GRTP1: variants seen among roughly 807,000 people sequenced by gnomAD.
GRTP1 encodes the protein growth hormone-regulated TBC protein 1.
A neutral mutation model predicts 38.1 loss-of-function variants in GRTP1; 56 were observed. The ratio of observed to expected loss-of-function variants is 1.47; its 90% confidence interval spans 1.19 to 1.84. The LOEUF (loss-of-function observed/expected upper bound fraction) is 1.84, where lower values mean the gene tolerates loss of function less well. Ranked by LOEUF, GRTP1 falls within the 40% of genes most tolerant of loss-of-function variation. The pLI, the probability that GRTP1 is intolerant of heterozygous loss-of-function variation, is 0.00. For synonymous variants in GRTP1, 217 were observed against 189.5 expected (o/e 1.14, Z -1.19); for missense variants, 506 against 453.9 (o/e 1.11, Z -1.04).
intron 3 of GRTP1, among the ~76,000 whole-genome samples, chr13:113,352,301 T>TA (rs1555318982): frequency 1.4e-4 from 9 of 63,474 alleles, no homozygotes; most frequent in African/African-American, 4.7e-4. Flanking sequence ...TTTATATATA[T>TA]TTTATATATA....
At chr13:113,360,601 G>A (rs2043477198) in intron 2 of GRTP1, among the ~76,000 whole-genome samples, 1 of 152,176 alleles carries the variant, frequency 6.6e-6, no homozygotes, top group Non-Finnish European at 1.5e-5. Flanking sequence ...CGGTCACACT[G>A]GGACCCAGGC....
rs748693977 is a variant in GRTP1, at chr13:113,325,537, A to G, written c.921+124T>C. The G allele has an allele frequency of 1.5e-5, 23 of 1,558,376 alleles. No individual in the cohort carries two copies. In the South Asian group the frequency reaches 2.5e-4, roughly 17 times the overall value. Reference sequence around the variant, plus strand: ...AGATGCAGGACAGAGCTGGAGGCTCATCCTGTGCCCTATGCCCACTGGTGC... The same window carrying G: ...AGATGCAGGACAGAGCTGGAGGCTCGTCCTGTGCCCTATGCCCACTGGTGC... On this transcript the variant is annotated intron_variant, in intron 7 of 7. Transcript: ENST00000375431.
chr13:113,340,148 G>A (rs902594570), intron 5 of GRTP1, among the ~76,000 whole-genome samples: 4 of 150,494 alleles, frequency 2.7e-5, no homozygotes, highest in South Asian at 2.1e-4. Flanking sequence ...AGCTGGGACC[G>A]CAGGCATGCA....
chr13:113,331,058 G>A (rs550213072), intron 5 of GRTP1, among the ~76,000 whole-genome samples: 7 of 150,530 alleles, frequency 4.7e-5, no homozygotes, highest in East Asian at 2.0e-4. Context: ...GCCCAGGTGC[G>A]TGGATGGAAA....
Position 113,326,311 on chromosome 13 carries a change from G to A in GRTP1, c.563-220C>T, listed in dbSNP as rs1352579098. On this transcript the variant is annotated intron_variant, in intron 5 of 7. Transcript: ENST00000375431. ...GGCCTTTCAGGACGTCCCTGAGGCT[G>A]GAGGGATAGGCTGGATGCCGCCTGG... Among the ~76,000 whole-genome samples the A allele has an allele frequency of 2.0e-5, 3 of 151,402 alleles. 1 individual carries two copies. The South Asian group carries it at 6.3e-4, about 32-fold the overall frequency.
chr13:113,349,243 T>C lies in GRTP1; in HGVS notation c.465+1606A>G, dbSNP rs2139488073. ...TTGCTCTGTTGCCCAGGCTGGAGTG[T>C]AGTGGTGCCAACATGGCTCACTGCA... On this transcript the variant is annotated intron_variant, in intron 4 of 7. Coordinates refer to ENST00000375431, the MANE Select transcript of GRTP1 (RefSeq NM_024719.4). The surrounding 1 kb of genome is among the most constrained non-coding windows in gnomAD (Gnocchi z 5.0). Among the ~76,000 whole-genome samples, 1 of 152,076 alleles carries C rather than the reference T, an allele frequency of 6.6e-6. No homozygotes were observed. The highest frequency in any genetic ancestry group is 1.5e-5 in the Non-Finnish European group (1 of 67,970).
intron 2 of GRTP1, 186 bp from the exon 3 acceptor site, chr13:113,355,667 C>T: frequency 3.3e-6 from 2 of 606,228 alleles, no homozygotes; most frequent in Non-Finnish European, 5.3e-6. Flanking sequence ...TCTCCTCTCC[C>T]TCTCAACAGA....
chr13:113,346,107 A>ACCCGGGAGGACCTCTGTGCCTG, intron 4 of GRTP1, among the ~76,000 whole-genome samples: 1 of 117,380 alleles, frequency 8.5e-6, no homozygotes, highest in Non-Finnish European at 1.7e-5. Context: ...TGTGGCCGAG[A>ACCCGGGAGGACCTCTGTGCCTG]ACAGACCCGG....
chr13:113,346,607 C>G (rs368490268), intron 4 of GRTP1, among the ~76,000 whole-genome samples: 56 of 2,014 alleles, frequency 0.028, 7 homozygotes, highest in African/African-American at 0.032. Flanking sequence ...GACCTCTGTG[C>G]CTGACAGTGG....
chr13:113,363,752 C>G lies in GRTP1; in HGVS notation c.181+10G>C. On this transcript the variant is annotated intron_variant, in intron 2 of 7. Transcript: ENST00000375431. ...CGCCCTCGGGACCCACCTGCGCCCCCGGGACCCACCTGTCCGGCTCCTGGG... is the reference window on the plus strand; with the variant it reads ...CGCCCTCGGGACCCACCTGCGCCCCGGGGACCCACCTGTCCGGCTCCTGGG... 1 of 1,604,902 alleles carries G rather than the reference C, an allele frequency of 6.2e-7. No individual in the cohort carries two copies. Among genetic ancestry groups the G allele is most frequent in the Non-Finnish European group, 8.5e-7 (1 of 1,176,612 alleles).
Position 113,352,337 on chromosome 13 carries a change from T to TTATATATTTATATATATTATATA in GRTP1, c.341-1365_341-1364insTATATAATATATATAAATATATA, listed in dbSNP as rs2043295606. Among the ~76,000 whole-genome samples, 55 of 51,558 alleles carry TTATATATTTATATATATTATATA rather than the reference T, an allele frequency of 1.1e-3. 1 individual carries two copies. Among genetic ancestry groups the TTATATATTTATATATATTATATA allele is most frequent in the African/African-American group, 4.0e-3 (55 of 13,760 alleles). 33.8% of individuals were successfully genotyped at this position (51,558 alleles called of 152,430 possible). ...TTTTATATATATTTTTATATATATT[T>TTATATATTTATATATATTATATA]TATATATATATTTATATATATTTTA... On this transcript the variant is annotated intron_variant, in intron 3 of 7. Transcript: ENST00000375431.
At chr13:113,354,654 G>A (rs1377104282) in intron 3 of GRTP1, among the ~76,000 whole-genome samples, 1 of 151,568 alleles carries the variant, frequency 6.6e-6, no homozygotes, top group Non-Finnish European at 1.5e-5. Context: ...TCAGCCTCCC[G>A]AGTAGCTGGG....
chr13:113,345,405 C>G (rs1331031333), intron 4 of GRTP1, among the ~76,000 whole-genome samples: 1 of 152,224 alleles, frequency 6.6e-6, no homozygotes, highest in East Asian at 1.9e-4. Flanking sequence ...GGTGGAGACC[C>G]TTTTGGGAAA....
rs117942508 is a variant in GRTP1, at chr13:113,341,153, A to C, written c.562+3710T>G. Among the ~76,000 whole-genome samples the C allele has an allele frequency of 6.2e-3, 940 of 151,768 alleles. 7 individuals are homozygous for C. The highest frequency in any genetic ancestry group is 0.017 in the South Asian group (80 of 4,792). ...CCTGTTCTAAACTCACGAATGCACCAATCACGACTGCACCATACGCTTGAA... is the reference window on the plus strand; with the variant it reads ...CCTGTTCTAAACTCACGAATGCACCCATCACGACTGCACCATACGCTTGAA... On this transcript the variant is annotated intron_variant, in intron 5 of 7. Coordinates refer to ENST00000375431, the MANE Select transcript of GRTP1 (RefSeq NM_024719.4).
In GRTP1 at chr13:113,342,895, G is replaced by C. The variant is rs546052897; in HGVS notation, c.562+1968C>G. On this transcript the variant is annotated intron_variant, in intron 5 of 7. Transcript: ENST00000375431. This position sits in a 1 kb window ranked among gnomAD's most constrained non-coding sequence, Gnocchi z 4.5. ...CATAATGAATATCGGAAGTGACGTC[G>C]TACGGACTGAAAACGCATCTGTCCA... is the stretch of plus-strand genomic sequence containing the variant. 6.6e-6 allele frequency among the ~76,000 whole-genome samples: 1 copy of C among 151,982 alleles called. No homozygotes were observed. The highest frequency in any genetic ancestry group is 2.4e-5 in the African/African-American group (1 of 41,376).
chr13:113,332,293 C>CCACACACAGGTA (rs146797859), intron 5 of GRTP1, among the ~76,000 whole-genome samples: 1 of 76,142 alleles, frequency 1.3e-5, no homozygotes, highest in South Asian at 4.5e-4. Context: ...CACACACACA[C>CCACACACAGGTA]CACACGTGCA....
chr13:113,330,200 T>C lies in GRTP1; in HGVS notation c.563-4109A>G, dbSNP rs189722856. Among the ~76,000 whole-genome samples, 82 of 128,266 alleles carry C rather than the reference T, an allele frequency of 6.4e-4. 1 individual carries two copies. The highest frequency in any genetic ancestry group is 2.3e-3 in the African/African-American group (74 of 32,142). 84.1% of individuals were successfully genotyped at this position (128,266 alleles called of 152,430 possible). A position where few individuals can be genotyped will look rare whatever the true frequency, so the allele number is the denominator to read the frequency against. Reference sequence around the variant, plus strand: ...AGGTGCGTGGATGGAAACCCAGATGTGTGCATGGGAGCCCAGGTGCGTGGA... The same window carrying C: ...AGGTGCGTGGATGGAAACCCAGATGCGTGCATGGGAGCCCAGGTGCGTGGA... On this transcript the variant is annotated intron_variant, in intron 5 of 7. Coordinates refer to ENST00000375431, the MANE Select transcript of GRTP1 (RefSeq NM_024719.4).
intron 3 of GRTP1, among the ~76,000 whole-genome samples, chr13:113,353,180 C>T (rs1013190430): frequency 2.7e-5 from 4 of 149,214 alleles, no homozygotes; most frequent in African/African-American, 9.9e-5. Context: ...TAGGAACCCA[C>T]AGCTGAAAGC....
intron 3 of GRTP1, among the ~76,000 whole-genome samples, chr13:113,352,730 G>A (rs2043309173): frequency 6.6e-6 from 1 of 152,170 alleles, no homozygotes; most frequent in Non-Finnish European, 1.5e-5. Flanking sequence ...CATCTCCATT[G>A]TGGAGACAGA....
Sources: allele counts gnomAD v4.1 joint callset (sites outside exome capture counted in the v4.1 genomes callset), GRCh38; gene constraint gnomAD v4.1.1; non-coding constraint Gnocchi (gnomAD v3.1); transcripts MANE v1.5; gene names NCBI Gene and HGNC (gene_info 2026-07-23, HGNC 2026-07-21).